Variants in GC observed in about 807,000 individuals in gnomAD.
GC encodes the protein GC vitamin D binding protein, also known as vitamin D-binding protein.
A neutral mutation model predicts 56.7 loss-of-function variants in GC; 43 were observed. The observed-to-expected ratio is 0.76, with a 90% CI of 0.59 to 0.98. The LOEUF is 0.98. Ranked by LOEUF, GC falls within the 50% of genes least tolerant of loss-of-function variation. GC has a pLI of 0.00. For missense variants in GC, 529 were observed against 545.9 expected, an observed-to-expected ratio of 0.97 and a Z score of 0.31; for synonymous variants, 216 against 202.7, an observed-to-expected ratio of 1.07 and a Z score of -0.56.
At chr4:71,755,689 C>A (rs1247827473) in intron 8 of GC, among the ~76,000 whole-genome samples, 2 of 152,126 alleles carry the variant, frequency 1.3e-5, no homozygotes, top group Admixed American at 6.5e-5. Context: ...GTAAACATAT[C>A]TACTTCAAAT....
rs991442735 is a variant in GC at position 71,783,415 on chromosome 4, T to C, written c.58+546A>G. ...AAAAATATAACTGAATTATCTTATT[T>C]GTGGTTATGTTTCATAGCTATAGAA... is the stretch of plus-strand genomic sequence containing the variant. On this transcript the variant is annotated intron_variant, in intron 1 of 12. Transcript: ENST00000273951. 7.9e-5 allele frequency among the ~76,000 whole-genome samples: 12 copies of C among 151,894 alleles called. No individual in the cohort carries two copies. The East Asian group carries it at 2.3e-3, about 30-fold the overall frequency.
At chr4:71,785,824 A>G (rs543207809), upstream of GC, 31 of 151,924 alleles carry the variant, frequency 2.0e-4, no homozygotes, top group African/African-American at 7.0e-4. Flanking sequence ...AAGTTTAAAA[A>G]CTACTCAGAA....
chr4:71,760,383 C>G (rs1271708525), intron 6 of GC, among the ~76,000 whole-genome samples: 1 of 151,778 alleles, frequency 6.6e-6, no homozygotes, highest in African/African-American at 2.4e-5. Flanking sequence ...ATTACGGAAG[C>G]TTATTATGCA....
At chr4:71,777,806 T>G (rs2149305030) in intron 1 of GC, among the ~76,000 whole-genome samples, 1 of 151,326 alleles carries the variant, frequency 6.6e-6, no homozygotes, top group East Asian at 2.0e-4. Context: ...CATATAAAAA[T>G]ATTTTCACTC....
intron 1 of GC, among the ~76,000 whole-genome samples, chr4:71,795,703 T>G (rs542226435): frequency 2.0e-5 from 3 of 152,254 alleles, no homozygotes; most frequent in Non-Finnish European, 4.4e-5. Flanking sequence ...GTTATTATGA[T>G]GTTAGCTAGT....
intron 1 of GC, among the ~76,000 whole-genome samples, chr4:71,792,822 T>G (rs1743004868): frequency 6.6e-6 from 1 of 152,236 alleles, no homozygotes; most frequent in African/African-American, 2.4e-5. Flanking sequence ...TAATCCATCT[T>G]GAATTAATTT....
rs781329202 is a variant in GC, at chr4:71,758,146, C to G, written c.727G>C (p.Val243Leu). 5.0e-6 allele frequency: 8 copies of G among 1,613,030 alleles called. No homozygotes were observed. The highest frequency in any genetic ancestry group is 1.1e-5 in the South Asian group (1 of 91,032). The change falls in exon 7 of 13, where the codon GTG becomes CTG. Residue 243 changes from valine (V) to leucine (L), a missense_variant. By Grantham distance (32) the Val-to-Leu change is conservative. Transcript: ENST00000273951. ...ACATCCTCCAGATCAGCAGTAGGCACTTTTTGGGCTAACTTTATGAGATTG... is the reference window on the plus strand; with the variant it reads ...ACATCCTCCAGATCAGCAGTAGGCAGTTTTTGGGCTAACTTTATGAGATTG... ...LSNLIKLAQK[V>L]PTADLEDVLP... is the part of the protein sequence containing the mutation.
In GC at chr4:71,746,270, G is replaced by A. The variant is rs1741360454; in HGVS notation, c.1396-65C>T. On this transcript the variant is annotated intron_variant, in intron 11 of 12. Coordinates refer to ENST00000273951, the MANE Select transcript of GC (RefSeq NM_000583.4). ...TTTCATTTGTAGGCTACTAGATCAT[G>A]CAGAAGGTATACAAAATCTTGAAAC... The A allele has an allele frequency of 6.9e-6, 5 of 728,374 alleles. No individual in the cohort carries two copies. In the East Asian group the frequency reaches 1.3e-4, roughly 19 times the overall value. The allele number at this position is 728,374 out of a possible 1,614,324, so 45.1% of individuals were successfully genotyped here. A position where few individuals can be genotyped will look rare whatever the true frequency, so the allele number is the denominator to read the frequency against.
At chr4:71,780,089 G>A (rs66811958) in intron 1 of GC, among the ~76,000 whole-genome samples, 19,362 of 151,324 alleles carry the variant, frequency 0.13, 1,852 homozygotes, top group East Asian at 0.38. Context: ...GCTGTGTCAC[G>A]ACCCTCTGAT....
chr4:71,765,599 G>A lies in GC; in HGVS notation c.306C>T (p.Phe102=). 5 of 1,613,652 alleles carry A rather than the reference G, an allele frequency of 3.1e-6. No homozygotes were observed. Among genetic ancestry groups the A allele is most frequent in the South Asian group, 1.1e-5 (1 of 91,058 alleles). ...ACTCAGCAGTGCCTGGGTGAACGGGGAATGGAGAATTACTTTCACAGGACT... is the reference window on the plus strand; with the variant it reads ...ACTCAGCAGTGCCTGGGTGAACGGGAAATGGAGAATTACTTTCACAGGACT... The part of the protein sequence containing the change: ...SAKSCESNSP[F]PVHPGTAECC... The change falls in exon 4 of 13, where the codon TTC becomes TTT. Residue 102 remains phenylalanine, a synonymous_variant. Coordinates refer to ENST00000273951, the MANE Select transcript of GC (RefSeq NM_000583.4).
At chr4:71,762,315 TC>T (rs1472037421) in intron 6 of GC, among the ~76,000 whole-genome samples, 3 of 152,228 alleles carry the variant, frequency 2.0e-5, no homozygotes, top group Non-Finnish European at 4.4e-5. Context: ...GGCCAATTTT[TC>T]CCATTTTTAA....
intron 6 of GC, among the ~76,000 whole-genome samples, chr4:71,759,955 G>A (rs1011634277): frequency 3.3e-5 from 5 of 151,580 alleles, no homozygotes; most frequent in African/African-American, 7.3e-5. Context: ...CTATCTCTAC[G>A]TAAAAGGAAA....
intron 1 of GC, among the ~76,000 whole-genome samples, chr4:71,802,157 T>C (rs1202284543): frequency 2.6e-5 from 4 of 152,228 alleles, no homozygotes; most frequent in African/African-American, 9.6e-5. Flanking sequence ...AATAGCATCA[T>C]TAATTTATCA....
chr4:71,769,429 T>C lies in GC; in HGVS notation c.59-29A>G, dbSNP rs1287196086. 6 of 1,440,230 alleles carry C rather than the reference T, an allele frequency of 4.2e-6. No homozygotes were observed. The East Asian group carries it at 6.8e-5, about 16-fold the overall frequency. 89.2% of individuals were successfully genotyped at this position (1,440,230 alleles called of 1,614,324 possible). ...GGAGGCAGAAATAGAAAAATTTGTA[T>C]GTGTCCCCTTTTGATGAATATTATG... is the stretch of plus-strand genomic sequence containing the variant. On this transcript the variant is annotated intron_variant, in intron 1 of 12. Coordinates refer to ENST00000273951, the MANE Select transcript of GC (RefSeq NM_000583.4).
chr4:71,775,594 A>G (rs932152834), intron 1 of GC, among the ~76,000 whole-genome samples: 1 of 151,930 alleles, frequency 6.6e-6, no homozygotes, highest in Non-Finnish European at 1.5e-5. Context: ...TGGTCTAGGC[A>G]ATGAGTTTTT....
chr4:71,769,426 GTA>G, intron 1 of GC, 26 bp from the exon 2 acceptor site: 3 of 1,455,704 alleles, frequency 2.1e-6, no homozygotes, highest in Non-Finnish European at 2.9e-6. Context: ...AGAAAAATTT[GTA>G]TGTGTCCCCT....
intron 1 of GC, among the ~76,000 whole-genome samples, chr4:71,778,568 T>C (rs936790296): frequency 3.3e-5 from 5 of 151,940 alleles, no homozygotes; most frequent in African/African-American, 1.2e-4. Flanking sequence ...CACATTCCTG[T>C]GTTTCCAGAG....
intron 1 of GC, among the ~76,000 whole-genome samples, chr4:71,799,928 G>A (rs1443179853): frequency 6.6e-6 from 1 of 152,106 alleles, no homozygotes; most frequent in Non-Finnish European, 1.5e-5. Context: ...TCAAACACTG[G>A]CCTCAGGAGC....
chr4:71,775,532 C>T (rs1343388905), intron 1 of GC, among the ~76,000 whole-genome samples: 2 of 151,824 alleles, frequency 1.3e-5, no homozygotes, highest in Admixed American at 1.3e-4. Flanking sequence ...AATGTAAGAC[C>T]TGAAGCTGTT....
Sources: gnomAD v4.1 joint callset for allele counts (sites outside exome capture counted in the v4.1 genomes callset) on GRCh38, gnomAD v4.1.1 for gene constraint, MANE v1.5 for transcripts, NCBI Gene and HGNC (gene_info 2026-07-23, HGNC 2026-07-21) for gene names.